The following EIF4G3 variants were observed in gnomAD, a reference collection of about 807,000 sequenced individuals.
EIF4G3 encodes the protein eukaryotic translation initiation factor 4 gamma 3, also known as eIF-4-gamma 3.
Under a neutral mutation model 186.4 loss-of-function variants are expected in EIF4G3, and 34 were observed. That is an observed-to-expected ratio of 0.18 (90% CI 0.14 to 0.24). The LOEUF (loss-of-function observed/expected upper bound fraction) is 0.24, where lower values mean the gene tolerates loss of function less well. Ranked by LOEUF, EIF4G3 falls within the 10% of genes least tolerant of loss-of-function variation. The pLI, the probability that EIF4G3 is intolerant of heterozygous loss-of-function variation, is 1.00. For synonymous variants in EIF4G3, 673 were observed against 679.5 expected (o/e 0.99, Z 0.15); for missense variants, 1,536 against 1,948.5 (o/e 0.79, Z 3.99).
At chr1:20,846,406 T>C (rs954588386) in intron 29 of EIF4G3, among the ~76,000 whole-genome samples, 9 of 152,342 alleles carry the variant, frequency 5.9e-5, no homozygotes, top group Middle Eastern at 3.4e-3. Flanking sequence ...CACAGTGTCA[T>C]AGCAGTTCAT....
At chr1:20,922,996 G>A (rs1334588236) in intron 14 of EIF4G3, among the ~76,000 whole-genome samples, 1 of 152,114 alleles carries the variant, frequency 6.6e-6, no homozygotes, top group Admixed American at 6.5e-5. Flanking sequence ...CCATTTCAGA[G>A]ATGAGGAAAC....
At chr1:21,076,091 C>G (rs904555975) in intron 3 of EIF4G3, among the ~76,000 whole-genome samples, 1 of 152,094 alleles carries the variant, frequency 6.6e-6, no homozygotes, top group Admixed American at 6.6e-5. Context: ...ACCACTTAGG[C>G]CACAAAACAA....
In EIF4G3 at chr1:21,001,233, G is replaced by A. The variant is rs1460492129; in HGVS notation, c.110C>T (p.Ser37Phe). 2.1e-6 allele frequency: 1 copy of A among 471,482 alleles called. No individual in the cohort carries two copies. Among genetic ancestry groups the A allele is most frequent in the East Asian group, 6.9e-5 (1 of 14,410 alleles). 29.2% of individuals were successfully genotyped at this position (471,482 alleles called of 1,614,324 possible). A position where few individuals can be genotyped will look rare whatever the true frequency, so the allele number is the denominator to read the frequency against. The change falls in exon 6 of 37, where the codon TCC (serine) becomes TTC (phenylalanine). Residue 37 changes from serine (S) to phenylalanine (F), a missense_variant. By Grantham distance (155) the Ser-to-Phe change is radical. Around this residue, in one of 11 missense-constraint regions of EIF4G3, gnomAD observed 194 missense variants for 212.8 expected, o/e 0.91. Transcript: ENST00000602326. ...TTTTATCCAGCCTCTTCCAGCCAAG[G>A]ACCTGTAAACGGGAGTCTGTTCCAA... ...KVLEQTPVYRSLAGRGWIKYC... is the reference protein window; with the variant it reads ...KVLEQTPVYRFLAGRGWIKYC...
chr1:21,093,565 T>G (rs1472008712), intron 2 of EIF4G3, among the ~76,000 whole-genome samples: 1 of 152,142 alleles, frequency 6.6e-6, no homozygotes, highest in African/African-American at 2.4e-5. Context: ...GATCTAGAAC[T>G]ACAAATACCA....
chr1:21,020,733 A>G (rs1281552565), intron 4 of EIF4G3, among the ~76,000 whole-genome samples: 1 of 152,240 alleles, frequency 6.6e-6, no homozygotes, highest in Non-Finnish European at 1.5e-5. Context: ...AAATCCCATT[A>G]AATATTCAAA....
intron 32 of EIF4G3, among the ~76,000 whole-genome samples, chr1:20,826,832 A>G (rs1388491140): frequency 6.6e-6 from 1 of 152,086 alleles, no homozygotes; most frequent in Non-Finnish European, 1.5e-5. Context: ...TAGGTCGGAG[A>G]GGAGGAAATT....
intron 4 of EIF4G3, among the ~76,000 whole-genome samples, chr1:21,050,570 A>ATTT (rs2094151873): frequency 1.3e-5 from 2 of 152,242 alleles, no homozygotes; most frequent in Non-Finnish European, 2.9e-5. Context: ...AAAGCAAATC[A>ATTT]GTGCTTTGTG....
chr1:20,919,401 C>T (rs2094274532), intron 14 of EIF4G3, among the ~76,000 whole-genome samples: 1 of 152,024 alleles, frequency 6.6e-6, no homozygotes, highest in East Asian at 1.9e-4. Context: ...GACAGGATTT[C>T]GTTATATTGT....
chr1:20,843,420 G>C (rs1400782656), intron 29 of EIF4G3, among the ~76,000 whole-genome samples: 1 of 152,000 alleles, frequency 6.6e-6, no homozygotes, highest in East Asian at 1.9e-4. Context: ...GGGAGGCTGA[G>C]ACAGGAAAAT....
chr1:20,872,254 C>A (rs952590959), intron 20 of EIF4G3, among the ~76,000 whole-genome samples: 3 of 151,202 alleles, frequency 2.0e-5, no homozygotes, highest in Non-Finnish European at 4.4e-5. Context: ...TTTGGAGTAG[C>A]TGGGAGTACA....
chr1:21,103,033 G>C (rs554853036), intron 2 of EIF4G3, among the ~76,000 whole-genome samples: 13 of 152,184 alleles, frequency 8.5e-5, no homozygotes, highest in African/African-American at 2.9e-4. Context: ...GGAAATATTT[G>C]GATGTATTTT....
intron 10 of EIF4G3, among the ~76,000 whole-genome samples, chr1:20,975,790 T>C (rs2076738476): frequency 6.6e-6 from 1 of 152,114 alleles, no homozygotes; most frequent in African/African-American, 2.4e-5. Context: ...TACATTTGTA[T>C]AGATCAAAGA....
intron 2 of EIF4G3, among the ~76,000 whole-genome samples, chr1:21,092,028 T>C (rs1342720163): frequency 6.6e-6 from 1 of 152,216 alleles, no homozygotes; most frequent in African/African-American, 2.4e-5. Flanking sequence ...CAACACTATG[T>C]TGAATAGGAG....
rs774268372 is a variant in EIF4G3, at chr1:21,002,714, G to A, written c.29C>T (p.Pro10Leu). The change falls in exon 5 of 37, where the codon CCG becomes CTG. Residue 10 changes from proline (P) to leucine (L), a missense_variant and splice_region_variant. Physicochemically the swap from Pro to Leu is moderately conservative, Grantham distance 98. Around this residue, in one of 11 missense-constraint regions of EIF4G3, gnomAD observed 194 missense variants for 212.8 expected, o/e 0.91. Transcript: ENST00000602326. The stretch of plus-strand genomic sequence containing the variant: ...TGGTTCAAGCTTCTGCTTACTTACC[G>A]GAGAACGGGTTTGAGGTTGTGAATT... MNSQPQTRSPPSRTVPIHCT... is the reference protein window; with the variant it reads MNSQPQTRSLPSRTVPIHCT... The A allele has an allele frequency of 8.1e-5, 131 of 1,613,092 alleles. No individual in the cohort carries two copies. The highest frequency in any genetic ancestry group is 1.0e-4 in the Non-Finnish European group (119 of 1,179,582).
chr1:20,898,972 C>T (rs1001791353), intron 16 of EIF4G3, among the ~76,000 whole-genome samples: 3 of 152,144 alleles, frequency 2.0e-5, no homozygotes, highest in African/African-American at 7.2e-5. Context: ...TCAGGTGATC[C>T]GCCCGCCTCG....
chr1:20,914,605 A>T (rs1308007367), intron 14 of EIF4G3, among the ~76,000 whole-genome samples: 1 of 152,230 alleles, frequency 6.6e-6, no homozygotes, highest in Non-Finnish European at 1.5e-5. Context: ...ATTAATGTGT[A>T]TTGTTTAAGC....
In EIF4G3 at chr1:20,915,423, C is replaced by T. The variant is rs1417030544; in HGVS notation, c.1664-10452G>A. Among the ~76,000 whole-genome samples, 7 of 151,192 alleles carry T rather than the reference C, an allele frequency of 4.6e-5. No individual in the cohort carries two copies. The South Asian group carries it at 6.3e-4, about 14-fold the overall frequency. ...ATGACAATCACCAGAAAACTACAGG[C>T]GAACATCCCTTATAAATTTAAATAC... On this transcript the variant is annotated intron_variant, in intron 14 of 36. Transcript: ENST00000602326.
chr1:21,116,295 A>G (rs995793184), intron 2 of EIF4G3, among the ~76,000 whole-genome samples: 4 of 152,216 alleles, frequency 2.6e-5, no homozygotes, highest in African/African-American at 9.6e-5. Flanking sequence ...AAGCTTTAGT[A>G]TCTAAAAATT....
chr1:20,964,783 T>C (rs2074245243), intron 12 of EIF4G3, among the ~76,000 whole-genome samples: 1 of 152,142 alleles, frequency 6.6e-6, no homozygotes, highest in Non-Finnish European at 1.5e-5. Flanking sequence ...ACACAACATA[T>C]CCCATAGCTG....
Sources: gnomAD v4.1 joint callset for allele counts (sites outside exome capture counted in the v4.1 genomes callset) on GRCh38, gnomAD v4.1.1 for gene constraint, gnomAD v4.1.1 regional missense constraint, MANE v1.5 for transcripts, NCBI Gene and HGNC (gene_info 2026-07-23, HGNC 2026-07-21) for gene names.